The following BCLAF3 variants were observed in gnomAD, a reference collection of about 807,000 sequenced individuals.
BCLAF3 encodes transient octamer binding factor 1.
Under a neutral mutation model 51.2 loss-of-function variants are expected in BCLAF3, and 24 were observed. The observed-to-expected ratio is 0.47, with a 90% CI of 0.34 to 0.66. The LOEUF (loss-of-function observed/expected upper bound fraction) is 0.66, where lower values mean the gene tolerates loss of function less well. Among genes scored for constraint, BCLAF3 ranks in the 30% least tolerant of loss-of-function variants. The pLI is 0.01. For synonymous variants in BCLAF3, 152 were observed against 176.6 expected (o/e 0.86, Z 1.10); for missense variants, 465 against 525.1 (o/e 0.89, Z 1.12).
At chrX:19,980,654 T>C (rs1346457015) in intron 1 of BCLAF3, among the ~76,000 whole-genome samples, 1 of 111,660 alleles carries the variant, frequency 9.0e-6, no homozygotes, top group African/African-American at 3.3e-5. Context: ...TTGCTACACA[T>C]TGGCTGGGCG....
intron 8 of BCLAF3, among the ~76,000 whole-genome samples, chrX:19,938,672 T>C (rs1031526458): frequency 1.2e-4 from 13 of 112,777 alleles, no homozygotes; most frequent in South Asian, 7.3e-4. Context: ...GCTGGGATTA[T>C]AGGCGTGAGC....
intron 4 of BCLAF3, among the ~76,000 whole-genome samples, chrX:19,956,708 T>G (rs940197390): frequency 2.7e-5 from 3 of 111,600 alleles, no homozygotes; most frequent in Admixed American, 9.6e-5. Flanking sequence ...CTTTTGGCTC[T>G]TCTCAAAAAT....
intron 11 of BCLAF3, among the ~76,000 whole-genome samples, chrX:19,919,452 C>A (rs1290081749): frequency 4.5e-5 from 5 of 111,782 alleles, no homozygotes; most frequent in East Asian, 2.8e-4. Flanking sequence ...GAGGCTGAGG[C>A]AGGAGAATCA....
chrX:19,917,695 G>A (rs1000473159), intron 11 of BCLAF3, among the ~76,000 whole-genome samples: 2 of 111,635 alleles, frequency 1.8e-5, no homozygotes, highest in Admixed American at 9.6e-5. Context: ...CACTACACAC[G>A]CACACCTCAA....
Position 19,935,833 on chromosome X carries a change from T to C in BCLAF3, c.1926A>G (p.Arg642=). The C allele has an allele frequency of 8.3e-7, 1 of 1,209,372 alleles. No homozygotes were observed. The highest frequency in any genetic ancestry group is 3.0e-5 in the East Asian group (1 of 33,844). The change falls in exon 10 of 12, where the codon CGA becomes CGG. Residue 642 remains arginine (R), a synonymous_variant. Coordinates refer to ENST00000379682, the MANE Select transcript of BCLAF3 (RefSeq NM_001367774.2). ...HKPFEVEGNH[R]NTRVRPFKSN... ...CCTTAAAAGGTCTTACTCTTGTGTT[T>C]CGGTGGTTTCCCTCAACCTCAAATG...
intron 1 of BCLAF3, among the ~76,000 whole-genome samples, chrX:19,974,605 C>T (rs1057045829): frequency 1.8e-5 from 2 of 111,872 alleles, no homozygotes; most frequent in Non-Finnish European, 3.8e-5. Flanking sequence ...GGGCCAGGCA[C>T]GGCAGCTCAT....
At chrX:19,962,995 G>C (rs1603328892) in intron 4 of BCLAF3, among the ~76,000 whole-genome samples, 1 of 108,606 alleles carries the variant, frequency 9.2e-6, no homozygotes, top group Non-Finnish European at 1.9e-5. Flanking sequence ...TGATGCAGGA[G>C]AATCACTTGA....
At chrX:19,970,706 C>T (rs2072228443) in intron 1 of BCLAF3, among the ~76,000 whole-genome samples, 1 of 111,521 alleles carries the variant, frequency 9.0e-6, no homozygotes. Context: ...CTAATATTAA[C>T]TACATGTTGA....
At chrX:19,988,140 T>A (rs1413117050) in intron 1 of BCLAF3, among the ~76,000 whole-genome samples, 3 of 112,152 alleles carry the variant, frequency 2.7e-5, no homozygotes, top group East Asian at 5.6e-4. Context: ...GCTGCCTGGA[T>A]AATGTAGCCT....
chrX:19,975,322 T>C (rs1357870088), intron 1 of BCLAF3, among the ~76,000 whole-genome samples: 1 of 110,764 alleles, frequency 9.0e-6, no homozygotes, highest in African/African-American at 3.3e-5. Context: ...ATATGGTTCT[T>C]TTTTCTTTTT....
In BCLAF3 at chrX:19,966,550, G is replaced by A. The variant is rs1318246497; in HGVS notation, c.141C>T (p.Val47=). The change falls in exon 3 of 12, where the codon GTC becomes GTT. Residue 47 remains valine (V), a synonymous_variant. Transcript: ENST00000379682. ...GTTTCTCACTGTCCATTCTCCACGC[G>A]ACGGGTCTTTTTGGATCCTTCCTAT... is the stretch of plus-strand genomic sequence containing the variant. ...CEYRKDPKRP[V]AWRMDSEKHG... 4 of 1,211,002 alleles carry A rather than the reference G, an allele frequency of 3.3e-6. No individual in the cohort carries two copies. Among genetic ancestry groups the A allele is most frequent in the East Asian group, 3.0e-5 (1 of 33,830 alleles).
At chrX:19,981,137 G>A (rs2072599028) in intron 1 of BCLAF3, among the ~76,000 whole-genome samples, 1 of 110,942 alleles carries the variant, frequency 9.0e-6, no homozygotes, top group African/African-American at 3.3e-5. Flanking sequence ...AATCAACACC[G>A]GGTGCTGAGA....
intron 11 of BCLAF3, among the ~76,000 whole-genome samples, chrX:19,925,586 T>C (rs1870546378): frequency 9.0e-6 from 1 of 111,352 alleles, no homozygotes; most frequent in African/African-American, 3.3e-5. Flanking sequence ...CAGACTAAGA[T>C]TTCTCTCTAA....
chrX:19,980,426 C>CA (rs2072572638), intron 1 of BCLAF3, among the ~76,000 whole-genome samples: 1 of 111,957 alleles, frequency 8.9e-6, no homozygotes, highest in Non-Finnish European at 1.9e-5. Context: ...GTTCCTTAAA[C>CA]ATCAAGGCAA....
At chrX:19,942,085 G>T (rs1311486656) in intron 8 of BCLAF3, among the ~76,000 whole-genome samples, 1 of 79,637 alleles carries the variant, frequency 1.3e-5, no homozygotes, top group East Asian at 3.6e-4. Flanking sequence ...TATGTTGCTG[G>T]TGTATAAGAA....
rs1188684394 is a variant in BCLAF3, at chrX:19,966,626, T to C, written c.65A>G (p.Asn22Ser). 19 of 1,207,732 alleles carry C rather than the reference T, an allele frequency of 1.6e-5. No homozygotes were observed. Among genetic ancestry groups the C allele is most frequent in the Non-Finnish European group, 1.9e-5 (17 of 894,518 alleles). ...KHRSLSPVPR[N>S]AEHYKQRHSH... Reference sequence around the variant, plus strand: ...ATGTCTTTGCTTGTAGTGTTCAGCATTTCTAGGTACTGGTGATAAAGACCT... The same window carrying C: ...ATGTCTTTGCTTGTAGTGTTCAGCACTTCTAGGTACTGGTGATAAAGACCT... The change falls in exon 3 of 12, where the codon AAT becomes AGT. Residue 22 changes from asparagine to serine, a missense_variant. Physicochemically the swap from Asn to Ser is conservative, Grantham distance 46. Transcript: ENST00000379682.
chrX:19,957,362 G>T (rs1229555679), intron 4 of BCLAF3, among the ~76,000 whole-genome samples: 1 of 111,093 alleles, frequency 9.0e-6, no homozygotes, highest in Non-Finnish European at 1.9e-5. Context: ...TGTTTAAGGG[G>T]GTCTAAAGTT....
At chrX:19,941,195 C>G (rs1459150007) in intron 8 of BCLAF3, among the ~76,000 whole-genome samples, 4 of 108,288 alleles carry the variant, frequency 3.7e-5, no homozygotes, top group African/African-American at 1.0e-4. Flanking sequence ...GAGTAGGTTG[C>G]GAAAACTTTC....
chrX:19,920,618 G>A (rs986314953), intron 11 of BCLAF3, among the ~76,000 whole-genome samples: 3 of 110,742 alleles, frequency 2.7e-5, no homozygotes, highest in African/African-American at 6.6e-5. Flanking sequence ...CCAGGAGTTC[G>A]AGACCAGCCT....
Sources: allele counts gnomAD v4.1 joint callset (sites outside exome capture counted in the v4.1 genomes callset), GRCh38; gene constraint gnomAD v4.1.1; transcripts MANE v1.5; gene names NCBI Gene and HGNC (gene_info 2026-07-23, HGNC 2026-07-21).